Variants in PRL observed in about 807,000 individuals in gnomAD.
The protein encoded by PRL is prolactin, also known as decidual prolactin.
Under a neutral mutation model 21.3 loss-of-function variants are expected in PRL, and 24 were observed. The ratio of observed to expected loss-of-function variants is 1.13; its 90% CI spans 0.82 to 1.59. The LOEUF is 1.59. PRL is among the 40% of genes most tolerant of loss of function. The probability of loss-of-function intolerance (pLI) is 0.00; values close to 1 mark genes in which losing one functional copy is unlikely to be tolerated. For missense variants in PRL, 243 were observed against 286.9 expected, an observed-to-expected ratio of 0.85 and a Z score of 1.10; for synonymous variants, 118 against 115.7, an observed-to-expected ratio of 1.02 and a Z score of -0.13.
chr6:22,287,407 AGTT>A lies in PRL; in HGVS notation c.676_678del (p.Asn226del), dbSNP rs752316625. ...TAGATGAAATGGATGTGGGCTTAGC[AGTT>A]GTTGTTGTGGATGATTCGGCACTTC... On this transcript the variant is annotated inframe_deletion, in exon 5 of 5. Transcript: ENST00000306482. The A allele has an allele frequency of 5.0e-6, 8 of 1,612,106 alleles. No individual in the cohort carries two copies. The African/African-American group carries it at 6.7e-5, about 13-fold the overall frequency.
At chr6:22,289,531 A>C (rs1761003323) in intron 4 of PRL, among the ~76,000 whole-genome samples, 1 of 152,350 alleles carries the variant, frequency 6.6e-6, no homozygotes, top group South Asian at 2.1e-4. Context: ...AGAAAAAACA[A>C]AATTTAGAAT....
intron 3 of PRL, among the ~76,000 whole-genome samples, chr6:22,292,035 T>C (rs1369058200): frequency 2.0e-5 from 3 of 152,050 alleles, no homozygotes; most frequent in African/African-American, 4.8e-5. Context: ...GAAGAGTCAG[T>C]GAAGAATGAA....
intron 3 of PRL, among the ~76,000 whole-genome samples, chr6:22,292,050 TG>T (rs1279640789): frequency 6.6e-6 from 1 of 152,140 alleles, no homozygotes; most frequent in Non-Finnish European, 1.5e-5. Context: ...AATGAAAAAG[TG>T]GGTGTCAGAG....
At chr6:22,297,759 C>G (rs144564143), upstream of PRL, among the ~76,000 whole-genome samples, 75 of 152,222 alleles carry the variant, frequency 4.9e-4, 1 homozygote, top group East Asian at 0.013. Flanking sequence ...GAAACAGAAG[C>G]TTGGAGAGAC....
Position 22,295,212 on chromosome 6 carries a change from A to G in PRL, c.29-628T>C, listed in dbSNP as rs904908138. On this transcript the variant is annotated intron_variant, in intron 1 of 4. Transcript: ENST00000306482. ...GCCAAAAACATTAAATTTTTTTTAT[A>G]TTTGAGCTTCATAATAACCTTGTGA... Among the ~76,000 whole-genome samples, 15 of 152,260 alleles carry G rather than the reference A, an allele frequency of 9.9e-5. 1 individual carries two copies. The highest frequency in any genetic ancestry group is 2.1e-4 in the South Asian group (1 of 4,820).
intron 1 of PRL, among the ~76,000 whole-genome samples, chr6:22,295,064 T>C (rs1377976551): frequency 6.6e-6 from 1 of 152,210 alleles, no homozygotes; most frequent in Non-Finnish European, 1.5e-5. Flanking sequence ...TCCTGCCTGA[T>C]AAGAATAAAC....
At chr6:22,297,460 T>A (rs1761202500), upstream of PRL, 1 of 154,752 alleles carries the variant, frequency 6.5e-6, no homozygotes, top group Non-Finnish European at 1.4e-5. Flanking sequence ...GTAAAGATTT[T>A]AAAATTTTTA....
chr6:22,296,093 T>G (rs2113514801), intron 1 of PRL, among the ~76,000 whole-genome samples: 1 of 152,320 alleles, frequency 6.6e-6, no homozygotes, highest in East Asian at 1.9e-4. Context: ...TAAAATGTGC[T>G]TTGTAGATAG....
upstream of PRL, among the ~76,000 whole-genome samples, chr6:22,302,389 A>G (rs1761298914): frequency 6.6e-6 from 1 of 152,142 alleles, no homozygotes; most frequent in Non-Finnish European, 1.5e-5. Context: ...AAAATCAAGT[A>G]TATTGAGATA....
rs749676081 is a variant in PRL at position 22,290,358 on chromosome 6, G to A, written c.313-5C>T. Reference sequence around the variant, plus strand: ...CAGGCTCAGAAAGTCTTTTTGCTACGAAACCATATAGAACAATTGCATTAA... The same window carrying A: ...CAGGCTCAGAAAGTCTTTTTGCTACAAAACCATATAGAACAATTGCATTAA... On this transcript the variant is annotated splice_region_variant and splice_polypyrimidine_tract_variant and intron_variant, in intron 3 of 4. Transcript: ENST00000306482. 4.4e-6 allele frequency: 7 copies of A among 1,578,732 alleles called. No homozygotes were observed. Among genetic ancestry groups the A allele is most frequent in the Non-Finnish European group, 3.5e-6 (4 of 1,155,350 alleles).
upstream of PRL, among the ~76,000 whole-genome samples, chr6:22,297,790 G>T (rs1761208014): frequency 6.6e-6 from 1 of 152,198 alleles, no homozygotes; most frequent in Non-Finnish European, 1.5e-5. Flanking sequence ...GAATATGAAA[G>T]AAGTAGTTCA....
upstream of PRL, among the ~76,000 whole-genome samples, chr6:22,302,446 A>G (rs1761299874): frequency 6.6e-6 from 1 of 152,202 alleles, no homozygotes; most frequent in Non-Finnish European, 1.5e-5. Flanking sequence ...TAAAAATGGC[A>G]AATCCCAATT....
chr6:22,297,119 C>A, upstream of PRL: 1 of 831,800 alleles, frequency 1.2e-6, no homozygotes, highest in African/African-American at 1.7e-5. Context: ...TTTCCCTTTT[C>A]CTGGTCATCT....
chr6:22,300,887 G>T (rs1252815244), upstream of PRL, among the ~76,000 whole-genome samples: 1 of 152,144 alleles, frequency 6.6e-6, no homozygotes, highest in Non-Finnish European at 1.5e-5. Context: ...TCTATGAATT[G>T]TATGTCACGT....
chr6:22,289,778 C>T (rs1761007009), intron 4 of PRL, among the ~76,000 whole-genome samples: 1 of 152,150 alleles, frequency 6.6e-6, no homozygotes, highest in African/African-American at 2.4e-5. Flanking sequence ...TTCTTTCTCC[C>T]TTCCCACTCT....
intron 1 of PRL, 30 bp downstream of exon 1, chr6:22,296,925 A>C: frequency 6.2e-7 from 1 of 1,610,740 alleles, no homozygotes; most frequent in South Asian, 1.1e-5. Context: ...TGTTGATACA[A>C]CCAACAACGC....
At chr6:22,292,022 G>T (rs1170889031) in intron 3 of PRL, among the ~76,000 whole-genome samples, 1 of 152,148 alleles carries the variant, frequency 6.6e-6, no homozygotes, top group African/African-American at 2.4e-5. Flanking sequence ...GTAAGAGAGG[G>T]CAGAAGAGTC....
upstream of PRL, among the ~76,000 whole-genome samples, chr6:22,299,484 CT>C (rs1761243602): frequency 6.6e-6 from 1 of 152,178 alleles, no homozygotes. Flanking sequence ...TTTTGTTTAT[CT>C]GTTTTTAAGT....
At chr6:22,291,110 G>A (rs1455744032) in intron 3 of PRL, 1 of 152,130 alleles carries the variant, frequency 6.6e-6, no homozygotes, top group African/African-American at 2.4e-5. Flanking sequence ...GATTATCTCT[G>A]ATTTAAAATG....
Sources: gnomAD v4.1 joint callset for allele counts (sites outside exome capture counted in the v4.1 genomes callset) on GRCh38, gnomAD v4.1.1 for gene constraint, MANE v1.5 for transcripts, NCBI Gene and HGNC (gene_info 2026-07-23, HGNC 2026-07-21) for gene names.